Variants in SCGN observed in about 807,000 individuals in gnomAD.
SCGN encodes the protein secretagogin, EF-hand calcium binding protein, also known as secretagogin.
Under a neutral mutation model 39.7 loss-of-function variants are expected in SCGN, and 30 were observed. That is an observed-to-expected ratio of 0.76 (90% CI 0.57 to 1.03). SCGN has a LOEUF of 1.03. Ranked by LOEUF, SCGN falls within the 50% of genes least tolerant of loss-of-function variation. SCGN has a pLI of 0.00. For synonymous variants in SCGN, 106 were observed against 114.1 expected, an observed-to-expected ratio of 0.93 and a Z score of 0.45; for missense variants, 353 against 349.4, an observed-to-expected ratio of 1.01 and a Z score of -0.08.
intron 10 of SCGN, among the ~76,000 whole-genome samples, chr6:25,693,003 TACTC>T (rs1315330428): frequency 6.6e-6 from 1 of 152,168 alleles, no homozygotes; most frequent in Non-Finnish European, 1.5e-5. Context: ...GTGGGCAAGT[TACTC>T]AATCTCTCTG....
At chr6:25,690,813 G>A (rs1304612939) in intron 9 of SCGN, among the ~76,000 whole-genome samples, 1 of 152,240 alleles carries the variant, frequency 6.6e-6, no homozygotes, top group Admixed American at 6.5e-5. Flanking sequence ...ACTGCAATCT[G>A]CAAAAGCCGA....
chr6:25,684,202 C>CA (rs1321272876), intron 7 of SCGN, among the ~76,000 whole-genome samples: 2 of 152,228 alleles, frequency 1.3e-5, no homozygotes, highest in African/African-American at 4.8e-5. Flanking sequence ...AATAACTTCT[C>CA]ACTTGGTGGA....
At chr6:25,682,103 A>T in intron 7 of SCGN, 97 bp downstream of exon 7, 2 of 879,532 alleles carry the variant, frequency 2.3e-6, no homozygotes, top group Non-Finnish European at 3.7e-6. Flanking sequence ...ATCAAGCCTC[A>T]CCTGGAGTCT....
chr6:25,658,706 T>G (rs1462520416), intron 2 of SCGN, among the ~76,000 whole-genome samples: 1 of 152,244 alleles, frequency 6.6e-6, no homozygotes, highest in Admixed American at 6.5e-5. Context: ...TCCTCATTAT[T>G]TATTATCCAT....
rs557119904 is a variant in SCGN at position 25,662,315 on chromosome 6, T to C, written c.246+671T>C. Among the ~76,000 whole-genome samples the C allele has an allele frequency of 2.0e-5, 3 of 152,334 alleles. No individual in the cohort carries two copies. The South Asian group carries it at 6.2e-4, about 32-fold the overall frequency. The stretch of plus-strand genomic sequence containing the variant: ...AGATGATGATAGGCATGAAACATTA[T>C]CCCTATTTTGCTGATAAGGACTTGA... On this transcript the variant is annotated intron_variant, in intron 3 of 10. Transcript: ENST00000377961.
chr6:25,656,813 G>A (rs1188259966), intron 2 of SCGN, among the ~76,000 whole-genome samples: 7 of 152,134 alleles, frequency 4.6e-5, no homozygotes, highest in Non-Finnish European at 1.5e-5. Context: ...GTAGAATCTG[G>A]CCACTGTTAC....
At chr6:25,654,267 G>A (rs1760187021) in intron 2 of SCGN, among the ~76,000 whole-genome samples, 3 of 152,196 alleles carry the variant, frequency 2.0e-5, no homozygotes, top group Admixed American at 2.0e-4. Flanking sequence ...TCATGTGAGA[G>A]CTCAGTGAGG....
intron 3 of SCGN, among the ~76,000 whole-genome samples, chr6:25,663,378 A>G (rs1169214745): frequency 6.6e-6 from 1 of 152,212 alleles, no homozygotes; most frequent in Admixed American, 6.5e-5. Context: ...TGAAGTCAAT[A>G]TGGTGGAATA....
chr6:25,659,310 C>T (rs1760290458), intron 2 of SCGN, among the ~76,000 whole-genome samples: 1 of 152,192 alleles, frequency 6.6e-6, no homozygotes, highest in Admixed American at 6.5e-5. Context: ...TTTGAACCAT[C>T]TAATTTATTA....
intron 3 of SCGN, among the ~76,000 whole-genome samples, chr6:25,663,016 C>A (rs1237675462): frequency 6.6e-6 from 1 of 152,182 alleles, no homozygotes; most frequent in East Asian, 1.9e-4. Context: ...GATAGACATT[C>A]CCAAGTAATT....
intron 10 of SCGN, among the ~76,000 whole-genome samples, chr6:25,693,568 A>G (rs1759801730): frequency 6.6e-6 from 1 of 152,106 alleles, no homozygotes; most frequent in African/African-American, 2.4e-5. Flanking sequence ...TGCTCAATGC[A>G]TGGCTATGCC....
chr6:25,687,313 G>A (rs1445651008), intron 7 of SCGN, among the ~76,000 whole-genome samples: 3 of 152,120 alleles, frequency 2.0e-5, no homozygotes, highest in African/African-American at 7.2e-5. Flanking sequence ...GTCTCCCAGT[G>A]TATGAACATG....
At chr6:25,688,222 C>CT (rs1263781678) in intron 7 of SCGN, among the ~76,000 whole-genome samples, 4 of 152,144 alleles carry the variant, frequency 2.6e-5, no homozygotes, top group African/African-American at 9.7e-5. Context: ...TAATTTCAGC[C>CT]TGAAGGACTC....
intron 6 of SCGN, among the ~76,000 whole-genome samples, chr6:25,678,275 A>G (rs1228807217): frequency 6.6e-6 from 1 of 152,124 alleles, no homozygotes; most frequent in Non-Finnish European, 1.5e-5. Context: ...TGCCCTTCAC[A>G]ATGGAAGGCA....
chr6:25,653,610 G>A (rs993553997), intron 2 of SCGN, among the ~76,000 whole-genome samples, 158 bp downstream of exon 2: 7 of 152,110 alleles, frequency 4.6e-5, no homozygotes, highest in African/African-American at 1.7e-4. Context: ...AGGGATTTAG[G>A]CAGTTTTTAT....
chr6:25,677,705 A>G (rs9379777), intron 6 of SCGN, among the ~76,000 whole-genome samples: 30,399 of 152,160 alleles, frequency 0.2, 3,391 homozygotes, highest in East Asian at 0.45. Context: ...CTGGAAGGAT[A>G]CATAAGACTC....
intron 9 of SCGN, 32 bp from the exon 10 acceptor site, chr6:25,691,024 A>G (rs748945557): frequency 1.8e-5 from 29 of 1,583,780 alleles, no homozygotes; most frequent in Non-Finnish European, 2.3e-5. Context: ...TAAGAAACTG[A>G]TATTTGGGCA....
intron 10 of SCGN, among the ~76,000 whole-genome samples, chr6:25,694,843 A>G (rs1237221266): frequency 6.6e-6 from 1 of 152,146 alleles, no homozygotes; most frequent in Non-Finnish European, 1.5e-5. Context: ...GGCTTTATAA[A>G]CAGAGTCTTT....
chr6:25,674,123 G>C (rs905051191), intron 6 of SCGN, among the ~76,000 whole-genome samples: 3 of 152,110 alleles, frequency 2.0e-5, no homozygotes, highest in Non-Finnish European at 2.9e-5. Context: ...CCTCCCATCA[G>C]GCCCCACCTC....
Sources: allele counts gnomAD v4.1 joint callset (sites outside exome capture counted in the v4.1 genomes callset), GRCh38; gene constraint gnomAD v4.1.1; transcripts MANE v1.5; gene names NCBI Gene and HGNC (gene_info 2026-07-23, HGNC 2026-07-21).